Variants in EBF3 observed in about 807,000 individuals in gnomAD.
The protein encoded by EBF3 is EBF transcription factor 3, also known as transcription factor COE3.
Under a neutral mutation model 77.1 loss-of-function variants are expected in EBF3, and 18 were observed. The observed-to-expected ratio is 0.23, with a 90% CI of 0.16 to 0.35. The LOEUF (loss-of-function observed/expected upper bound fraction) is 0.35, where lower values mean the gene tolerates loss of function less well. EBF3 is among the 10% of genes least tolerant of loss of function. EBF3 has a pLI of 1.00. For synonymous variants in EBF3, 350 were observed against 343.5 expected (o/e 1.02, Z -0.21); for missense variants, 558 against 860.0 (o/e 0.65, Z 4.39).
chr10:129,858,086 G>A (rs919869634), intron 10 of EBF3, among the ~76,000 whole-genome samples: 3 of 152,228 alleles, frequency 2.0e-5, no homozygotes, highest in African/African-American at 4.8e-5. Flanking sequence ...GCACGTGGCA[G>A]GTGTTCACTA....
At chr10:129,868,140 A>G (rs1852162291) in intron 8 of EBF3, among the ~76,000 whole-genome samples, 1 of 152,260 alleles carries the variant, frequency 6.6e-6, no homozygotes, top group Non-Finnish European at 1.5e-5. Context: ...AGCGAGAAAA[A>G]AATGGCTTGA....
intron 6 of EBF3, among the ~76,000 whole-genome samples, chr10:129,951,056 C>G (rs533600335): frequency 5.7e-4 from 87 of 152,312 alleles, no homozygotes; most frequent in South Asian, 1.7e-3. Context: ...AAGTAACCAA[C>G]AATTACAGCA....
At chr10:129,908,546 GA>G (rs1855300798) in intron 6 of EBF3, among the ~76,000 whole-genome samples, 1 of 152,232 alleles carries the variant, frequency 6.6e-6, no homozygotes, top group African/African-American at 2.4e-5. Flanking sequence ...GGATATACCT[GA>G]ATAGGGTGGC....
rs761970501 is a variant in EBF3, at chr10:129,848,241, G to A, written c.1128+151C>T. The stretch of plus-strand genomic sequence containing the variant: ...TCTGAAGCTGGTCAGGTGCGGGCCC[G>A]GGCAGCTCCTCACACCTGTCGGCCC... On this transcript the variant is annotated intron_variant, in intron 11 of 16. Coordinates refer to ENST00000440978, the MANE Select transcript of EBF3 (RefSeq NM_001375380.1). The surrounding 1 kb of genome is among the most constrained non-coding windows in gnomAD (Gnocchi z 4.4). The A allele has an allele frequency of 1.3e-4, 106 of 786,604 alleles. No homozygotes were observed. Among genetic ancestry groups the A allele is most frequent in the Non-Finnish European group, 2.0e-4 (94 of 464,252 alleles). 48.7% of individuals were successfully genotyped at this position (786,604 alleles called of 1,614,324 possible).
chr10:129,839,212 G>A lies in EBF3; in HGVS notation c.1760-17C>T, dbSNP rs1319986033. 1 of 1,168,070 alleles carries A rather than the reference G, an allele frequency of 8.6e-7. No individual in the cohort carries two copies. Among genetic ancestry groups the A allele is most frequent in the South Asian group, 1.3e-5 (1 of 78,336 alleles). The allele number at this position is 1,168,070 out of a possible 1,614,324, so 72.4% of individuals were successfully genotyped here. Reference sequence around the variant, plus strand: ...GCAGAGAGCCTGGTACATAGTAGGTGCTCAGTAAATACTGGTTGAATGGGT... The same window carrying A: ...GCAGAGAGCCTGGTACATAGTAGGTACTCAGTAAATACTGGTTGAATGGGT... On this transcript the variant is annotated splice_polypyrimidine_tract_variant and intron_variant, in intron 15 of 16. Coordinates refer to ENST00000440978, the MANE Select transcript of EBF3 (RefSeq NM_001375380.1).
intron 10 of EBF3, among the ~76,000 whole-genome samples, chr10:129,850,607 T>C (rs965140413): frequency 2.0e-5 from 3 of 152,170 alleles, no homozygotes; most frequent in African/African-American, 7.2e-5. Flanking sequence ...TCTAAATCCC[T>C]TCCAGGGGCT....
intron 6 of EBF3, among the ~76,000 whole-genome samples, chr10:129,956,307 G>A (rs989127863): frequency 2.0e-5 from 3 of 152,194 alleles, no homozygotes; most frequent in Non-Finnish European, 4.4e-5. Flanking sequence ...CTTCAAAACC[G>A]TCTAAACCTC....
intron 6 of EBF3, among the ~76,000 whole-genome samples, chr10:129,934,094 A>T (rs1857201271): frequency 6.6e-6 from 1 of 152,214 alleles, no homozygotes; most frequent in Non-Finnish European, 1.5e-5. Flanking sequence ...ATTCACATTT[A>T]GCTGAGCATC....
intron 10 of EBF3, among the ~76,000 whole-genome samples, chr10:129,850,006 T>C (rs1366247789): frequency 1.3e-5 from 2 of 152,238 alleles, no homozygotes; most frequent in Admixed American, 6.5e-5. Context: ...CAGGCCAGAG[T>C]GTCAGGCAAA....
chr10:129,839,115 CA>C lies in EBF3; in HGVS notation c.1839del (p.Phe613LeufsTer4). ...PFCEVGGIFHFDELMLKKGTG... is the reference protein window; with the variant it reads ...PFCEVGGIFHXDELMLKKGTG... ...GTTCCTTTTTTGAGCATTAGTTCAT[CA>C]AAGTGAAATATGCCACCGACTTCAC... On this transcript the variant is annotated frameshift_variant, in exon 16 of 17. Transcript: ENST00000440978. LOFTEE classifies it high-confidence loss of function. The C allele has an allele frequency of 7.7e-7, 1 of 1,304,476 alleles. No individual in the cohort carries two copies. Among genetic ancestry groups the C allele is most frequent in the Non-Finnish European group, 1.0e-6 (1 of 989,002 alleles). 80.8% of individuals were successfully genotyped at this position (1,304,476 alleles called of 1,614,324 possible). A position where few individuals can be genotyped will look rare whatever the true frequency, so the allele number is the denominator to read the frequency against.
At chr10:129,867,952 G>A (rs368194543) in intron 8 of EBF3, 40 bp from the exon 9 acceptor site, 53 of 1,603,314 alleles carry the variant, frequency 3.3e-5, no homozygotes, top group African/African-American at 1.1e-4. Context: ...TTAGAGCCCC[G>A]TCCTCCTCCG....
chr10:129,925,228 A>G (rs1856587573), intron 6 of EBF3, among the ~76,000 whole-genome samples: 1 of 150,574 alleles, frequency 6.6e-6, no homozygotes, highest in Non-Finnish European at 1.5e-5. Context: ...TCACCTGAGA[A>G]TGATGCACAG....
chr10:129,907,770 T>C (rs1359230806), intron 6 of EBF3, among the ~76,000 whole-genome samples: 1 of 152,216 alleles, frequency 6.6e-6, no homozygotes, highest in East Asian at 1.9e-4. Context: ...TTGGTATTGA[T>C]TTTTTCCTTT....
chr10:129,849,841 C>G (rs1347786589), intron 10 of EBF3, among the ~76,000 whole-genome samples: 1 of 152,218 alleles, frequency 6.6e-6, no homozygotes, highest in Non-Finnish European at 1.5e-5. Context: ...TAGTAAAGCT[C>G]TTCAAAATGC....
intron 6 of EBF3, among the ~76,000 whole-genome samples, chr10:129,917,313 G>A (rs1005669887): frequency 1.3e-5 from 2 of 152,094 alleles, no homozygotes; most frequent in African/African-American, 4.8e-5. Flanking sequence ...CAGTTGCAGT[G>A]AGCCAAATTC....
At chr10:129,839,309 G>T in intron 15 of EBF3, 114 bp from the exon 16 acceptor site, 1 of 462,302 alleles carries the variant, frequency 2.2e-6, no homozygotes, top group Non-Finnish European at 3.9e-6. Flanking sequence ...GTCTGAAAGA[G>T]GCCAGATGAC....
intron 16 of EBF3, among the ~76,000 whole-genome samples, chr10:129,838,635 A>T (rs897133688): frequency 1.3e-5 from 2 of 152,218 alleles, no homozygotes; most frequent in African/African-American, 4.8e-5. Context: ...CTTTGCACGA[A>T]AACGCCAAGT....
rs1464465777 is a variant in EBF3, at chr10:129,954,265, T to TA, written c.554+2992_554+2993insT. ...CTTCTTTGCTCCGTAAGTTGTTATA[T>TA]TATTTTAAATATACTGCATATAGTT... On this transcript the variant is annotated intron_variant, in intron 6 of 16. Coordinates refer to ENST00000440978, the MANE Select transcript of EBF3 (RefSeq NM_001375380.1). Among the ~76,000 whole-genome samples the TA allele has an allele frequency of 6.0e-3, 907 of 152,322 alleles. 11 individuals carry two copies. The highest frequency in any genetic ancestry group is 0.021 in the African/African-American group (863 of 41,558).
Position 129,938,366 on chromosome 10 carries a change from C to T in EBF3, c.554+18892G>A, listed in dbSNP as rs890694560. 7.1e-6 allele frequency among the ~76,000 whole-genome samples: 1 copy of T among 141,774 alleles called. No individual in the cohort carries two copies. The highest frequency in any genetic ancestry group is 1.5e-5 in the Non-Finnish European group (1 of 65,782). The allele number at this position is 141,774 out of a possible 152,430, so 93.0% of individuals were successfully genotyped here. ...ACCAGCCTGGGCAACATGGCAAAACCCCATCTCTATTTAAAAAAAAAAAAA... is the reference window on the plus strand; with the variant it reads ...ACCAGCCTGGGCAACATGGCAAAACTCCATCTCTATTTAAAAAAAAAAAAA... On this transcript the variant is annotated intron_variant, in intron 6 of 16. Coordinates refer to ENST00000440978, the MANE Select transcript of EBF3 (RefSeq NM_001375380.1). This position sits in a 1 kb window ranked among gnomAD's most constrained non-coding sequence, Gnocchi z 5.1.
Sources: gnomAD v4.1 joint callset for allele counts (sites outside exome capture counted in the v4.1 genomes callset) on GRCh38, gnomAD v4.1.1 for gene constraint, Gnocchi (gnomAD v3.1) non-coding constraint, MANE v1.5 for transcripts, NCBI Gene and HGNC (gene_info 2026-07-23, HGNC 2026-07-21) for gene names.